The following EPS8 variants were observed in gnomAD, a reference collection of about 807,000 sequenced individuals.
EPS8 encodes the protein epidermal growth factor receptor kinase substrate 8.
EPS8 carries 42 observed loss-of-function variants against 103.8 expected under a neutral mutation model. The ratio of observed to expected loss-of-function variants is 0.40; its 90% CI spans 0.32 to 0.52. EPS8 has a LOEUF of 0.52. Ranked by LOEUF, EPS8 falls within the 20% of genes least tolerant of loss-of-function variation. The pLI, the probability that EPS8 is intolerant of heterozygous loss-of-function variation, is 0.40. For missense variants in EPS8, 969 were observed against 1,005.1 expected (o/e 0.96, Z 0.49); for synonymous variants, 344 against 344.6 (o/e 1.00, Z 0.02).
intron 1 of EPS8, chr12:15,683,656 AC>A (rs1403864620): frequency 6.6e-6 from 1 of 152,126 alleles, no homozygotes; most frequent in Admixed American, 6.5e-5. Context: ...AACCTCAAAA[AC>A]CATTTTTAAA....
intron 1 of EPS8, among the ~76,000 whole-genome samples, chr12:15,773,680 T>C (rs1947178207): frequency 6.6e-6 from 1 of 152,102 alleles, no homozygotes; most frequent in African/African-American, 2.4e-5. Flanking sequence ...TCTGCATCAG[T>C]TTTATCATTC....
chr12:15,682,326 A>T (rs1177241886), intron 2 of EPS8, among the ~76,000 whole-genome samples: 1 of 152,254 alleles, frequency 6.6e-6, no homozygotes, highest in East Asian at 1.9e-4. Context: ...TGAAAAAATG[A>T]TGAGTAAAAT....
intron 18 of EPS8, among the ~76,000 whole-genome samples, chr12:15,629,476 TA>T (rs1436668696): frequency 6.6e-6 from 1 of 152,198 alleles, no homozygotes; most frequent in Non-Finnish European, 1.5e-5. Context: ...GGGAACTCAA[TA>T]AAAATATTTA....
At chr12:15,627,394 C>G (rs1396889857) in intron 18 of EPS8, among the ~76,000 whole-genome samples, 2 of 151,948 alleles carry the variant, frequency 1.3e-5, no homozygotes, top group African/African-American at 4.8e-5. Flanking sequence ...CATCTATATC[C>G]TAATACGTGG....
intron 17 of EPS8, among the ~76,000 whole-genome samples, chr12:15,637,692 G>C (rs1246994264): frequency 4.6e-5 from 7 of 152,134 alleles, no homozygotes; most frequent in Non-Finnish European, 7.4e-5. Context: ...AAATATTTTT[G>C]TTAAAGTTTC....
In EPS8 at chr12:15,714,233, C is replaced by T. The variant is rs1946503045; in HGVS notation, c.-21-31261G>A. On this transcript the variant is annotated intron_variant, in intron 1 of 20. Transcript: ENST00000281172. The surrounding 1 kb of genome is among the most constrained non-coding windows in gnomAD (Gnocchi z 4.1). ...GCTCAACTGATTTTTAATATGAAGA[C>T]ACCAAAAAAGTATATTTAAATTATT... Among the ~76,000 whole-genome samples, 1 of 151,604 alleles carries T rather than the reference C, an allele frequency of 6.6e-6. No individual in the cohort carries two copies. The highest frequency in any genetic ancestry group is 1.9e-4 in the East Asian group (1 of 5,180).
At position 15,660,713 on chromosome 12, in the gene EPS8, T is replaced by A. The variant is rs780975675; in HGVS notation, c.838A>T (p.Ile280Phe). The change falls in exon 10 of 21, where the codon ATT becomes TTT. Residue 280 changes from isoleucine to phenylalanine, a missense_variant. By Grantham distance (21) the Ile-to-Phe change is conservative. Transcript: ENST00000281172. ...VQILNHILDDIEFFITKLQKA... is the reference protein window; with the variant it reads ...VQILNHILDDFEFFITKLQKA... ...TGGAGTTTTGTGATAAAAAATTCAA[T>A]GTCATCCAAAATGTGGTTTAAGATT... 2 of 1,608,528 alleles carry A rather than the reference T, an allele frequency of 1.2e-6. No individual in the cohort carries two copies. Among genetic ancestry groups the A allele is most frequent in the Non-Finnish European group, 8.5e-7 (1 of 1,175,800 alleles).
rs182294576 is a variant in EPS8, at chr12:15,727,223, G to A, written c.-21-44251C>T. On this transcript the variant is annotated intron_variant, in intron 1 of 20. Coordinates refer to ENST00000281172, the MANE Select transcript of EPS8 (RefSeq NM_004447.6). This position sits in a 1 kb window ranked among gnomAD's most constrained non-coding sequence, Gnocchi z 4.3. ...TGGGGTTCTGATTACTTCCCTCGTG[G>A]ATTTAATATCTACCTTTATACGTAG... is the stretch of plus-strand genomic sequence containing the variant. 3.1e-3 allele frequency among the ~76,000 whole-genome samples: 469 copies of A among 152,268 alleles called. 2 individuals are homozygous for A. Among genetic ancestry groups the A allele is most frequent in the Non-Finnish European group, 3.9e-3 (264 of 68,018 alleles).
At chr12:15,624,007 A>G (rs996922658) in intron 19 of EPS8, among the ~76,000 whole-genome samples, 2 of 152,232 alleles carry the variant, frequency 1.3e-5, no homozygotes, top group Non-Finnish European at 2.9e-5. Context: ...ATGAACAGAT[A>G]CTACCAATTC....
rs781453799 is a variant in EPS8 at position 15,623,176 on chromosome 12, T to A, written c.2337A>T (p.Val779=). The A allele has an allele frequency of 2.5e-6, 4 of 1,608,180 alleles. 1 individual carries two copies. The South Asian group carries it at 3.4e-5, about 14-fold the overall frequency. Residue 779 remains valine, a synonymous_variant, in exon 20 of 21, where the codon GTA becomes GTT. Transcript: ENST00000281172. ...EGARVYSQIT[V]QKAALEDSSG... ...GTCATACCTCCAATGCAGCTTTTTGTACAGTGATTTGGCTATAGACTCTCG... is the reference window on the plus strand; with the variant it reads ...GTCATACCTCCAATGCAGCTTTTTGAACAGTGATTTGGCTATAGACTCTCG...
At position 15,776,530 on chromosome 12, in the gene EPS8, T is replaced by C. The variant is rs1396648829; in HGVS notation, c.-22+12631A>G. On this transcript the variant is annotated intron_variant, in intron 1 of 20. Transcript: ENST00000281172. This position sits in a 1 kb window ranked among gnomAD's most constrained non-coding sequence, Gnocchi z 4.2. The stretch of plus-strand genomic sequence containing the variant: ...CACCTAATACCCAAAACCCAAATGA[T>C]GCCCACGTTAGCCCAATAACGTCAA... Among the ~76,000 whole-genome samples the C allele has an allele frequency of 2.0e-5, 3 of 152,206 alleles. No homozygotes were observed. Among genetic ancestry groups the C allele is most frequent in the Non-Finnish European group, 4.4e-5 (3 of 68,032 alleles).
intron 18 of EPS8, among the ~76,000 whole-genome samples, chr12:15,627,166 C>A (rs1417192731): frequency 6.6e-6 from 1 of 151,978 alleles, no homozygotes; most frequent in African/African-American, 2.4e-5. Flanking sequence ...TGCCCATGCC[C>A]AACTAATTTT....
chr12:15,771,535 C>T lies in EPS8; in HGVS notation c.-22+17626G>A, dbSNP rs1021917608. ...CATATAGCCTTGAAACAGTGAAAAA[C>T]TGAACAGAAGGGGCAAAGGCGAGGG... On this transcript the variant is annotated intron_variant, in intron 1 of 20. Transcript: ENST00000281172. The surrounding 1 kb of genome is among the most constrained non-coding windows in gnomAD (Gnocchi z 4.6). 7.9e-5 allele frequency among the ~76,000 whole-genome samples: 12 copies of T among 152,136 alleles called. No homozygotes were observed. Among genetic ancestry groups the T allele is most frequent in the African/African-American group, 2.6e-4 (11 of 41,510 alleles).
Position 15,747,483 on chromosome 12 carries a change from A to G in EPS8, c.-22+41678T>C, listed in dbSNP as rs947851769. ...CCAGTACTACCAATTCAGTAATCTT[A>G]TAAGTTAAATTATTTTTGTGAACTG... is the stretch of plus-strand genomic sequence containing the variant. On this transcript the variant is annotated intron_variant, in intron 1 of 20. Coordinates refer to ENST00000281172, the MANE Select transcript of EPS8 (RefSeq NM_004447.6). The surrounding 1 kb of genome is among the most constrained non-coding windows in gnomAD (Gnocchi z 4.4). Among the ~76,000 whole-genome samples the G allele has an allele frequency of 5.9e-5, 9 of 152,172 alleles. No individual in the cohort carries two copies. The highest frequency in any genetic ancestry group is 1.3e-4 in the Admixed American group (2 of 15,270).
At position 15,779,044 on chromosome 12, in the gene EPS8, C is replaced by G. The variant is rs1947234363; in HGVS notation, c.-22+10117G>C. Among the ~76,000 whole-genome samples the G allele has an allele frequency of 6.6e-6, 1 of 152,144 alleles. No homozygotes were observed. Among genetic ancestry groups the G allele is most frequent in the Non-Finnish European group, 1.5e-5 (1 of 68,032 alleles). ...CCAGGCTGGAGTGCAATGGCGCCAT[C>G]TTGGCTCACCACAACCTCCTGCCTC... On this transcript the variant is annotated intron_variant, in intron 1 of 20. Coordinates refer to ENST00000281172, the MANE Select transcript of EPS8 (RefSeq NM_004447.6). This position sits in a 1 kb window ranked among gnomAD's most constrained non-coding sequence, Gnocchi z 4.3.
At chr12:15,624,522 C>T (rs1944913340) in intron 18 of EPS8, 115 bp from the exon 19 acceptor site, 7 of 682,058 alleles carry the variant, frequency 1.0e-5, no homozygotes, top group Non-Finnish European at 1.4e-5. Flanking sequence ...TCTAGTGTTC[C>T]TACCATCTTT....
At chr12:15,703,818 T>C (rs1946344524) in intron 1 of EPS8, among the ~76,000 whole-genome samples, 1 of 148,944 alleles carries the variant, frequency 6.7e-6, no homozygotes, top group African/African-American at 2.5e-5. Flanking sequence ...TATAGGAATC[T>C]TCCCACCTGT....
chr12:15,786,981 T>C (rs1023564312), intron 1 of EPS8, among the ~76,000 whole-genome samples: 1 of 152,142 alleles, frequency 6.6e-6, no homozygotes, highest in African/African-American at 2.4e-5. Flanking sequence ...TTTGTGATGA[T>C]CCGTGTAACT....
intron 12 of EPS8, among the ~76,000 whole-genome samples, chr12:15,655,937 A>G (rs2135801304): frequency 6.6e-6 from 1 of 152,368 alleles, no homozygotes; most frequent in South Asian, 2.1e-4. Flanking sequence ...TAGGGAGAAC[A>G]TTAAATGGAC....
Sources: allele counts gnomAD v4.1 joint callset (sites outside exome capture counted in the v4.1 genomes callset), GRCh38; gene constraint gnomAD v4.1.1; non-coding constraint Gnocchi (gnomAD v3.1); transcripts MANE v1.5; gene names NCBI Gene and HGNC (gene_info 2026-07-23, HGNC 2026-07-21).